The following HPR variants were observed in gnomAD, a reference collection of about 807,000 sequenced individuals.
HPR encodes the protein haptoglobin-related protein.
Under a neutral mutation model 18.5 loss-of-function variants are expected in HPR, and 17 were observed. The observed-to-expected ratio is 0.92, with a 90% CI of 0.63 to 1.38. HPR has a LOEUF of 1.38. HPR is among the 40% of genes most tolerant of loss of function. The pLI is 0.00. For missense variants in HPR, 457 were observed against 432.4 expected, an observed-to-expected ratio of 1.06 and a Z score of -0.51; for synonymous variants, 176 against 165.0, an observed-to-expected ratio of 1.07 and a Z score of -0.51.
intron 3 of HPR, chr16:72,074,605 C>T (rs2041697724): frequency 9.8e-6 from 7 of 717,394 alleles, no homozygotes; most frequent in Admixed American, 8.0e-5. Context: ...GGAGGTGATG[C>T]CATGCAGCCT....
intron 1 of HPR, among the ~76,000 whole-genome samples, chr16:72,065,195 C>T (rs111902287): frequency 3.8e-4 from 58 of 152,146 alleles, no homozygotes; most frequent in African/African-American, 1.3e-3. Context: ...CAATGCTAAG[C>T]GGGACTTAAA....
intron 2 of HPR, 77 bp from the exon 3 acceptor site, chr16:72,074,207 T>C: frequency 5.9e-6 from 8 of 1,355,100 alleles, no homozygotes; most frequent in East Asian, 2.3e-5. Flanking sequence ...CAGAGCAGCT[T>C]CCACTCATCT....
At position 72,077,087 on chromosome 16, in the gene HPR, G is replaced by C. The variant is rs762921801; in HGVS notation, c.*6G>C. On this transcript the variant is annotated 3_prime_UTR_variant, in exon 5 of 5. Transcript: ENST00000540303. ...AGACCATAGCTGAGAACTAATGCAA[G>C]GCTGGCCGGAAGCCCTTGCCTGAAA... 12 of 1,602,620 alleles carry C rather than the reference G, an allele frequency of 7.5e-6. No individual in the cohort carries two copies. Among genetic ancestry groups the C allele is most frequent in the Non-Finnish European group, 9.4e-6 (11 of 1,172,162 alleles).
chr16:72,063,290 C>T (rs1180669343), intron 1 of HPR, 30 bp downstream of exon 1: 1 of 1,575,298 alleles, frequency 6.3e-7, no homozygotes, highest in Admixed American at 1.7e-5. Flanking sequence ...TCCTGCCTTT[C>T]CTCTGGTTCT....
At chr16:72,074,142 G>A in intron 2 of HPR, 142 bp from the exon 3 acceptor site, 6 of 1,252,258 alleles carry the variant, frequency 4.8e-6, no homozygotes, top group Non-Finnish European at 6.9e-6. Context: ...TGCCAGAAAT[G>A]AGGGGAGCTT....
In HPR at chr16:72,076,684, T is replaced by G; in HGVS notation, c.650T>G (p.Val217Gly). ...CTACCTTCAAAGAATTATGCAGAAG[T>G]AGGGCGTGTGGGTTACGTGTCTGGC... ...ICLPSKNYAE[V>G]GRVGYVSGWG... Residue 217 changes from valine (V) to glycine (G), a missense_variant, in exon 5 of 5, where the codon GTA becomes GGA. By Grantham distance (109) the Val-to-Gly change is moderately radical. Transcript: ENST00000540303. 1 of 1,614,168 alleles carries G rather than the reference T, an allele frequency of 6.2e-7. No homozygotes were observed. The highest frequency in any genetic ancestry group is 8.5e-7 in the Non-Finnish European group (1 of 1,180,036).
At chr16:72,063,820 G>A (rs150367531) in intron 1 of HPR, among the ~76,000 whole-genome samples, 2,137 of 151,872 alleles carry the variant, frequency 0.014, 19 homozygotes, top group Non-Finnish European at 0.023. Context: ...TCAGCTCATC[G>A]CAACCTCCCC....
chr16:72,070,523 C>A (rs1351535746), intron 1 of HPR, among the ~76,000 whole-genome samples: 1 of 152,146 alleles, frequency 6.6e-6, no homozygotes, highest in Non-Finnish European at 1.5e-5. Flanking sequence ...CTGATCACAC[C>A]CGCGTCAAAA....
At chr16:72,075,670 A>T (rs1035639716) in intron 4 of HPR, among the ~76,000 whole-genome samples, 7 of 152,338 alleles carry the variant, frequency 4.6e-5, no homozygotes, top group African/African-American at 1.7e-4. Context: ...CCAGAGGCAA[A>T]GGCCCAGCCT....
intron 4 of HPR, among the ~76,000 whole-genome samples, chr16:72,075,833 CTT>C (rs34334289): frequency 1.9e-4 from 27 of 142,508 alleles, no homozygotes; most frequent in Non-Finnish European, 2.2e-4. Flanking sequence ...TTCTTTCTTT[CTT>C]TTTTTTTTTT....
At position 72,076,714 on chromosome 16, in the gene HPR, G is replaced by A. The variant is rs1222116952; in HGVS notation, c.680G>A (p.Gly227Glu). ...VGRVGYVSGW[G>E]QSDNFKLTDH... ...CGTGTGGGTTACGTGTCTGGCTGGG[G>A]ACAAAGTGACAACTTTAAACTTACT... The change falls in exon 5 of 5, where the codon GGA becomes GAA. Residue 227 changes from glycine (G) to glutamate (E), a missense_variant. Physicochemically the swap from Gly to Glu is moderately conservative, Grantham distance 98. Coordinates refer to ENST00000540303, the MANE Select transcript of HPR (RefSeq NM_020995.4). 35 of 1,614,068 alleles carry A rather than the reference G, an allele frequency of 2.2e-5. No individual in the cohort carries two copies. The highest frequency in any genetic ancestry group is 2.5e-5 in the Non-Finnish European group (29 of 1,180,038).
intron 1 of HPR, among the ~76,000 whole-genome samples, chr16:72,071,728 G>C (rs2041657741): frequency 6.6e-6 from 1 of 152,186 alleles, no homozygotes; most frequent in Non-Finnish European, 1.5e-5. Context: ...ACACTGCCGA[G>C]TAACTGGAGC....
intron 1 of HPR, among the ~76,000 whole-genome samples, chr16:72,073,316 C>T (rs940154824): frequency 2.0e-5 from 3 of 152,118 alleles, no homozygotes; most frequent in Admixed American, 1.3e-4. Context: ...TGCTGAGAGA[C>T]CCTTTGTCCT....
At chr16:72,073,440 A>T (rs2041678475) in intron 1 of HPR, among the ~76,000 whole-genome samples, 1 of 152,178 alleles carries the variant, frequency 6.6e-6, no homozygotes, top group African/African-American at 2.4e-5. Context: ...TAGCATACTA[A>T]GCCCTCTGTT....
intron 2 of HPR, 90 bp downstream of exon 2, chr16:72,074,067 C>T (rs2041689001): frequency 6.5e-7 from 1 of 1,535,520 alleles, no homozygotes; most frequent in Non-Finnish European, 9.0e-7. Context: ...TCTTTGAGAA[C>T]ACACAGTTCC....
At chr16:72,075,777 T>G (rs1051980593) in intron 4 of HPR, among the ~76,000 whole-genome samples, 1 of 152,204 alleles carries the variant, frequency 6.6e-6, no homozygotes, top group Non-Finnish European at 1.5e-5. Flanking sequence ...TAGATTCCTC[T>G]TTCTTCAGAG....
At chr16:72,074,046 T>C in intron 2 of HPR, 69 bp downstream of exon 2, 5 of 1,593,974 alleles carry the variant, frequency 3.1e-6, no homozygotes, top group Non-Finnish European at 4.3e-6. Context: ...CTCTCTCGGG[T>C]CTGCATTCTT....
Position 72,073,921 on chromosome 16 carries a change from T to C in HPR, c.35T>C (p.Leu12Pro). ...SDLGAVISLL[L>P]WGRQLFALYS... ...CTGGGAGCTGTCATTTCCCTCCTGC[T>C]CTGGGGACGACAGCTTTTTGCACTG... Residue 12 changes from leucine (L) to proline (P), a missense_variant, in exon 2 of 5, where the codon CTC (leucine) becomes CCC (proline). Transcript: ENST00000540303. 1 of 1,614,058 alleles carries C rather than the reference T, an allele frequency of 6.2e-7. No individual in the cohort carries two copies.
rs750681715 is a variant in HPR at position 72,077,003 on chromosome 16, T to C, written c.969T>C (p.Cys323=). 1.7e-5 allele frequency: 27 copies of C among 1,614,050 alleles called. No individual in the cohort carries two copies. The highest frequency in any genetic ancestry group is 2.2e-5 in the Non-Finnish European group (26 of 1,180,042). Residue 323 remains cysteine, a synonymous_variant, in exon 5 of 5, where the codon TGT becomes TGC. Coordinates refer to ENST00000540303, the MANE Select transcript of HPR (RefSeq NM_020995.4). ...AAGILSFDKS[C]AVAEYGVYVK... is the part of the protein sequence containing the mutation. ...GGATCCTAAGCTTTGATAAGAGCTG[T>C]GCTGTGGCTGAGTATGGTGTGTATG... is the stretch of plus-strand genomic sequence containing the variant.
Sources: allele counts gnomAD v4.1 joint callset (sites outside exome capture counted in the v4.1 genomes callset), GRCh38; gene constraint gnomAD v4.1.1; transcripts MANE v1.5; gene names NCBI Gene and HGNC (gene_info 2026-07-23, HGNC 2026-07-21).